Variants in ARHGAP5 observed in about 807,000 individuals in gnomAD.
ARHGAP5 encodes the protein rho GTPase-activating protein 5.
In ARHGAP5, 23 loss-of-function variants were observed where a neutral mutation model predicts 116.6. The ratio of observed to expected loss-of-function variants is 0.20; its 90% CI spans 0.14 to 0.28. The LOEUF (loss-of-function observed/expected upper bound fraction) is 0.28, where lower values mean the gene tolerates loss of function less well. ARHGAP5 is among the 10% of genes least tolerant of loss of function. The pLI, the probability that ARHGAP5 is intolerant of heterozygous loss-of-function variation, is 1.00. For missense variants in ARHGAP5, 1,405 were observed against 1,774.8 expected, an observed-to-expected ratio of 0.79 and a Z score of 3.74; for synonymous variants, 574 against 602.0, an observed-to-expected ratio of 0.95 and a Z score of 0.68.
chr14:32,139,546 G>A (rs966370916), intron 3 of ARHGAP5, among the ~76,000 whole-genome samples: 2 of 151,924 alleles, frequency 1.3e-5, no homozygotes, highest in Non-Finnish European at 2.9e-5. Flanking sequence ...TATTTCATTA[G>A]TGATGTGTCT....
At chr14:32,101,936 T>C (rs1878810824) in intron 2 of ARHGAP5, among the ~76,000 whole-genome samples, 1 of 151,920 alleles carries the variant, frequency 6.6e-6, no homozygotes, top group Non-Finnish European at 1.5e-5. Context: ...TGAGCCAAGA[T>C]CGTGCCACTG....
intron 3 of ARHGAP5, among the ~76,000 whole-genome samples, chr14:32,118,496 CA>C (rs879402795): frequency 4.6e-4 from 64 of 138,218 alleles, no homozygotes; most frequent in Non-Finnish European, 3.6e-4. Context: ...GACTCCATCT[CA>C]AAAAAAAAAA....
chr14:32,092,576 C>A lies in ARHGAP5; in HGVS notation c.1907C>A (p.Pro636Gln), dbSNP rs764577083. 1.2e-6 allele frequency: 2 copies of A among 1,613,512 alleles called. No individual in the cohort carries two copies. Among genetic ancestry groups the A allele is most frequent in the African/African-American group, 2.7e-5 (2 of 74,878 alleles). The change falls in exon 2 of 7, where the codon CCG becomes CAG. Residue 636 changes from proline (P) to glutamine (Q), a missense_variant. By Grantham distance (76) the Pro-to-Gln change is moderately conservative. Transcript: ENST00000345122. This position sits in a 1 kb window ranked among gnomAD's most constrained non-coding sequence, Gnocchi z 4.1. ...AAAATTTATGAACTTGATCTTCGGC[C>A]GGTTGATGCCAAATCGCCTTACTTT... ...DGKIYELDLR[P>Q]VDAKSPYFLS...
At chr14:32,127,206 T>A (rs956346362) in intron 3 of ARHGAP5, among the ~76,000 whole-genome samples, 2 of 151,632 alleles carry the variant, frequency 1.3e-5, no homozygotes, top group African/African-American at 2.4e-5. Context: ...TGATCATTCT[T>A]GGGTGTTTCT....
chr14:32,106,048 TGA>T (rs1387517979), intron 2 of ARHGAP5, among the ~76,000 whole-genome samples: 1 of 152,230 alleles, frequency 6.6e-6, no homozygotes, highest in East Asian at 1.9e-4. Flanking sequence ...TTGTCCATCT[TGA>T]ATAAAGTTGT....
intron 1 of ARHGAP5, among the ~76,000 whole-genome samples, chr14:32,090,127 A>G (rs1594343509): frequency 1.3e-5 from 2 of 152,008 alleles, no homozygotes; most frequent in South Asian, 2.1e-4. Context: ...CAAGTCAACT[A>G]GTACATTTTA....
intron 2 of ARHGAP5, among the ~76,000 whole-genome samples, chr14:32,103,106 C>A (rs1878863327): frequency 6.6e-6 from 1 of 152,214 alleles, no homozygotes; most frequent in African/African-American, 2.4e-5. Flanking sequence ...ATTGATCTAC[C>A]TGGTTAACTA....
intron 1 of ARHGAP5, among the ~76,000 whole-genome samples, chr14:32,081,892 T>C (rs2041779529): frequency 6.6e-6 from 1 of 152,200 alleles, no homozygotes; most frequent in African/African-American, 2.4e-5. Flanking sequence ...ATTACTATAA[T>C]CTAGAGCAGC....
At chr14:32,096,170 G>C (rs1333907911) in intron 2 of ARHGAP5, among the ~76,000 whole-genome samples, 2 of 151,938 alleles carry the variant, frequency 1.3e-5, no homozygotes, top group Non-Finnish European at 2.9e-5. Context: ...TTGAGATTAA[G>C]TTGGAGATAG....
rs74041584 is a variant in ARHGAP5, at chr14:32,079,395, A to G, written c.-169+1960A>G. On this transcript the variant is annotated intron_variant, in intron 1 of 6. Transcript: ENST00000345122. Reference sequence around the variant, plus strand: ...TGTAGTGTCCCTCCCCATTTAAACGACCTTAGCAATTTTTAAAATGTGTTG... The same window carrying G: ...TGTAGTGTCCCTCCCCATTTAAACGGCCTTAGCAATTTTTAAAATGTGTTG... 2.1e-3 allele frequency among the ~76,000 whole-genome samples: 313 copies of G among 152,254 alleles called. 2 individuals are homozygous for G. The highest frequency in any genetic ancestry group is 7.2e-3 in the African/African-American group (297 of 41,538).
At chr14:32,123,239 C>G (rs892988037) in intron 3 of ARHGAP5, among the ~76,000 whole-genome samples, 5 of 151,832 alleles carry the variant, frequency 3.3e-5, no homozygotes, top group African/African-American at 1.2e-4. Context: ...CATCTTAGCT[C>G]TCTTAGTTTA....
At chr14:32,154,206 A>G (rs1406539132) in intron 6 of ARHGAP5, 3 of 166,348 alleles carry the variant, frequency 1.8e-5, no homozygotes, top group African/African-American at 4.8e-5. Context: ...GCTGGAGTGC[A>G]ATGGCGCGAT....
chr14:32,124,264 T>C (rs1880036567), intron 3 of ARHGAP5, among the ~76,000 whole-genome samples: 1 of 152,158 alleles, frequency 6.6e-6, no homozygotes, highest in African/African-American at 2.4e-5. Flanking sequence ...TCATGTTCAG[T>C]GATCAGTGTT....
intron 3 of ARHGAP5, among the ~76,000 whole-genome samples, chr14:32,129,853 G>C (rs548865721): frequency 6.6e-6 from 1 of 152,238 alleles, no homozygotes; most frequent in Admixed American, 6.5e-5. Flanking sequence ...GTTTGAACCA[G>C]AACAGGGGAT....
rs147527447 is a variant in ARHGAP5 at position 32,093,959 on chromosome 14, C to G, written c.3290C>G (p.Thr1097Arg). 1.1e-5 allele frequency: 18 copies of G among 1,613,684 alleles called. No homozygotes were observed. The highest frequency in any genetic ancestry group is 8.3e-5 in the Admixed American group (5 of 59,930). Residue 1097 changes from threonine (T) to arginine (R), a missense_variant, in exon 2 of 7, where the codon ACA (threonine) becomes AGA (arginine). Thr to Arg is a moderately conservative substitution (Grantham distance 71). Transcript: ENST00000345122. ...PSDNYAEPID[T>R]IFKQKGYSDE... The stretch of plus-strand genomic sequence containing the variant: ...GATAACTATGCGGAACCCATTGATA[C>G]AATTTTCAAACAGAAGGGCTATTCT...
chr14:32,154,049 C>T (rs1438329214), intron 6 of ARHGAP5: 1 of 152,514 alleles, frequency 6.6e-6, no homozygotes, highest in Non-Finnish European at 1.5e-5. Context: ...TTTCATCTCT[C>T]ACAGTAGTCA....
chr14:32,092,872 G>C lies in ARHGAP5; in HGVS notation c.2203G>C (p.Gly735Arg). The change falls in exon 2 of 7, where the codon GGT (glycine) becomes CGT (arginine). Residue 735 changes from glycine to arginine, a missense_variant. Transcript: ENST00000345122. This position sits in a 1 kb window ranked among gnomAD's most constrained non-coding sequence, Gnocchi z 4.1. ...ATGTCCTTTTGTAGATGTACCTGCTGGTACATATCCTCGTAAATTTAATGA... is the reference window on the plus strand; with the variant it reads ...ATGTCCTTTTGTAGATGTACCTGCTCGTACATATCCTCGTAAATTTAATGA... ...LQCPFVDVPA[G>R]TYPRKFNETQ... 1 of 1,613,966 alleles carries C rather than the reference G, an allele frequency of 6.2e-7. No individual in the cohort carries two copies. The highest frequency in any genetic ancestry group is 1.6e-4 in the Middle Eastern group (1 of 6,062).
At chr14:32,152,560 A>G (rs761500531) in intron 6 of ARHGAP5, 32 bp downstream of exon 6, 76 of 1,253,504 alleles carry the variant, frequency 6.1e-5, no homozygotes, top group Non-Finnish European at 8.2e-5. Context: ...TTTTTGGCAA[A>G]TAAAATGCAC....
chr14:32,133,803 A>T (rs889545224), intron 3 of ARHGAP5, among the ~76,000 whole-genome samples: 2 of 152,070 alleles, frequency 1.3e-5, no homozygotes, highest in African/African-American at 2.4e-5. Flanking sequence ...GGGTTTTTGA[A>T]TTTTGTCAAA....
Sources: gnomAD v4.1 joint callset for allele counts (sites outside exome capture counted in the v4.1 genomes callset) on GRCh38, gnomAD v4.1.1 for gene constraint, Gnocchi (gnomAD v3.1) non-coding constraint, MANE v1.5 for transcripts, NCBI Gene and HGNC (gene_info 2026-07-23, HGNC 2026-07-21) for gene names.